EXOC6: variants seen among roughly 807,000 people sequenced by gnomAD.
EXOC6 encodes the protein exocyst complex component 6.
A neutral mutation model predicts 112.5 loss-of-function variants in EXOC6; 60 were observed. That is an observed-to-expected ratio of 0.53 (90% confidence interval 0.43 to 0.66). The LOEUF (loss-of-function observed/expected upper bound fraction) is 0.66, where lower values mean the gene tolerates loss of function less well. Ranked by LOEUF, EXOC6 falls within the 30% of genes least tolerant of loss-of-function variation. The probability of loss-of-function intolerance (pLI) is 0.00; values close to 1 mark genes in which losing one functional copy is unlikely to be tolerated. For synonymous variants in EXOC6, 295 were observed against 308.0 expected (o/e 0.96, Z 0.44); for missense variants, 855 against 957.1 (o/e 0.89, Z 1.41).
At position 92,894,861 on chromosome 10, in the gene EXOC6, C is replaced by G. The variant is rs1487260028; in HGVS notation, c.321+20C>G. On this transcript the variant is annotated intron_variant, in intron 3 of 21. Transcript: ENST00000260762. ...AAAGAGGTGAGAAAATGATACTTTT[C>G]TGGGTATTCAGTATGTAGTTGTTCT... The G allele has an allele frequency of 4.3e-6, 7 of 1,612,950 alleles. No individual in the cohort carries two copies. Among genetic ancestry groups the G allele is most frequent in the Non-Finnish European group, 5.9e-6 (7 of 1,179,214 alleles).
chr10:92,946,920 C>G (rs1853053660), intron 13 of EXOC6, among the ~76,000 whole-genome samples: 1 of 152,054 alleles, frequency 6.6e-6, no homozygotes, highest in Non-Finnish European at 1.5e-5. Flanking sequence ...GTTTCTGAAC[C>G]TTGTACTTCT....
intron 20 of EXOC6, among the ~76,000 whole-genome samples, chr10:93,033,470 A>G (rs927487014): frequency 2.0e-5 from 3 of 152,160 alleles, no homozygotes; most frequent in African/African-American, 7.2e-5. Flanking sequence ...TATTTTGGAG[A>G]CAGAAAAACT....
chr10:93,050,407 CGGGCG>C (rs1333851238), intron 20 of EXOC6, among the ~76,000 whole-genome samples: 11 of 151,446 alleles, frequency 7.3e-5, no homozygotes, highest in Non-Finnish European at 1.3e-4. Context: ...AAAAATTAGC[CGGGCG>C]TGGTGGTATG....
At chr10:92,955,856 G>GTA (rs1853666657) in intron 17 of EXOC6, 142 bp downstream of exon 17, 1 of 692,896 alleles carries the variant, frequency 1.4e-6, no homozygotes, top group Non-Finnish European at 2.3e-6. Context: ...CAATGAGCAA[G>GTA]TAAATGTCAG....
intron 16 of EXOC6, among the ~76,000 whole-genome samples, 192 bp from the exon 17 acceptor site, chr10:92,955,388 G>GTGTATATA (rs781394983): frequency 1.4e-5 from 2 of 147,582 alleles, no homozygotes; most frequent in South Asian, 4.3e-4. Flanking sequence ...GTGTGTGTGT[G>GTGTATATA]TATATATATA....
intron 1 of EXOC6, among the ~76,000 whole-genome samples, chr10:92,866,522 A>G (rs1412644470): frequency 6.6e-6 from 1 of 152,206 alleles, no homozygotes. Context: ...TTATTAATTA[A>G]CTTAATATCA....
intron 8 of EXOC6, among the ~76,000 whole-genome samples, chr10:92,925,333 T>C (rs745356271): frequency 2.8e-4 from 42 of 152,272 alleles, no homozygotes; most frequent in Non-Finnish European, 5.0e-4. Flanking sequence ...CGTGCTCTGT[T>C]GCCCAGGCTG....
chr10:92,940,300 G>T (rs1377849806), intron 12 of EXOC6, among the ~76,000 whole-genome samples: 1 of 152,148 alleles, frequency 6.6e-6, no homozygotes, highest in African/African-American at 2.4e-5. Flanking sequence ...TTTTCCCAAT[G>T]TGACAAACTG....
intron 13 of EXOC6, among the ~76,000 whole-genome samples, chr10:92,946,684 A>G (rs1019658531): frequency 6.6e-6 from 1 of 152,138 alleles, no homozygotes; most frequent in Non-Finnish European, 1.5e-5. Flanking sequence ...CTCAGACTTT[A>G]TACTTTGTAA....
intron 17 of EXOC6, 46 bp downstream of exon 17, chr10:92,955,760 C>G (rs376560411): frequency 4.2e-5 from 66 of 1,554,982 alleles, no homozygotes; most frequent in Non-Finnish European, 5.6e-5. Context: ...TCACTGTAAG[C>G]AGACGTTAAG....
In EXOC6 at chr10:92,909,626, A is replaced by C; in HGVS notation, c.658A>C (p.Lys220Gln). The part of the protein sequence containing the change: ...HSDKIGETAM[K>Q]QAQHQKTFSV... ...TGACAAAATAGGTGAAACAGCAATG[A>C]AACAGGTGAGATTAAAAATAATTTT... The change falls in exon 6 of 22, where the codon AAA (lysine) becomes CAA (glutamine). Residue 220 changes from lysine to glutamine, a missense_variant. Coordinates refer to ENST00000260762, the MANE Select transcript of EXOC6 (RefSeq NM_019053.6). The C allele has an allele frequency of 6.3e-7, 1 of 1,587,768 alleles. No homozygotes were observed. Among genetic ancestry groups the C allele is most frequent in the Non-Finnish European group, 8.6e-7 (1 of 1,161,582 alleles).
chr10:92,851,313 T>A (rs1847320385), intron 1 of EXOC6, among the ~76,000 whole-genome samples: 1 of 152,086 alleles, frequency 6.6e-6, no homozygotes, highest in Non-Finnish European at 1.5e-5. Context: ...ACTGTAAAAT[T>A]GATAAACCTT....
upstream of EXOC6, among the ~76,000 whole-genome samples, chr10:92,833,023 T>C (rs1846540922): frequency 6.6e-6 from 1 of 152,186 alleles, no homozygotes; most frequent in Non-Finnish European, 1.5e-5. Flanking sequence ...ACTCATCTTA[T>C]TGGGAAATGG....
At chr10:92,912,151 C>A (rs545190628) in intron 6 of EXOC6, among the ~76,000 whole-genome samples, 18 of 151,252 alleles carry the variant, frequency 1.2e-4, no homozygotes, top group African/African-American at 4.4e-4. Context: ...ATCTCGTATC[C>A]CTTTTACGGA....
chr10:92,840,503 A>C (rs978762213), intron 1 of EXOC6, among the ~76,000 whole-genome samples: 3 of 152,188 alleles, frequency 2.0e-5, no homozygotes, highest in Non-Finnish European at 4.4e-5. Flanking sequence ...TTTGGGATGG[A>C]TATTCTAGTA....
At chr10:93,000,562 T>C (rs537738166) in intron 19 of EXOC6, among the ~76,000 whole-genome samples, 2 of 152,276 alleles carry the variant, frequency 1.3e-5, no homozygotes, top group Non-Finnish European at 2.9e-5. Context: ...TGATGGGGGT[T>C]AAGGTCCTGG....
intron 20 of EXOC6, among the ~76,000 whole-genome samples, chr10:93,036,790 T>C (rs1845535212): frequency 6.6e-6 from 1 of 152,226 alleles, no homozygotes; most frequent in African/African-American, 2.4e-5. Flanking sequence ...ATATTTCTTA[T>C]TTACAATATA....
chr10:93,014,452 A>C (rs767000474), intron 20 of EXOC6, among the ~76,000 whole-genome samples, 185 bp downstream of exon 20: 3 of 152,176 alleles, frequency 2.0e-5, no homozygotes, highest in Non-Finnish European at 4.4e-5. Flanking sequence ...TCAGTACCTC[A>C]ACTTCATAGA....
At position 92,915,791 on chromosome 10, in the gene EXOC6, C is replaced by T; in HGVS notation, c.697C>T (p.Gln233Ter). 6.5e-7 allele frequency: 1 copy of T among 1,535,472 alleles called. No homozygotes were observed. The highest frequency in any genetic ancestry group is 8.7e-7 in the Non-Finnish European group (1 of 1,152,206). The change falls in exon 7 of 22, where the codon CAG becomes TAG. Residue 233 changes from glutamine (Q) to a stop codon, truncating the protein, a stop_gained. Coordinates refer to ENST00000260762, the MANE Select transcript of EXOC6 (RefSeq NM_019053.6). LOFTEE classifies it high-confidence loss of function. The stretch of plus-strand genomic sequence containing the variant: ...TCAGAAAACCTTCAGTGTTTCTCTG[C>T]AGAAACAAAATAAAATGAAATTTGG... ...QHQKTFSVSL[Q>*]KQNKMKFGKN...
Sources: allele counts gnomAD v4.1 joint callset (sites outside exome capture counted in the v4.1 genomes callset), GRCh38; gene constraint gnomAD v4.1.1; transcripts MANE v1.5; gene names NCBI Gene and HGNC (gene_info 2026-07-23, HGNC 2026-07-21).